CACNB4: variants seen among roughly 807,000 people sequenced by gnomAD.
CACNB4 encodes the protein voltage-dependent L-type calcium channel subunit beta-4.
A neutral mutation model predicts 71.2 loss-of-function variants in CACNB4; 32 were observed. The observed-to-expected ratio is 0.45, with a 90% CI of 0.34 to 0.60. The LOEUF is 0.60. CACNB4 is among the 20% of genes least tolerant of loss of function. The pLI, the probability that CACNB4 is intolerant of heterozygous loss-of-function variation, is 0.01. For synonymous variants in CACNB4, 231 were observed against 236.9 expected (o/e 0.97, Z 0.23); for missense variants, 464 against 647.9 (o/e 0.72, Z 3.08).
At chr2:151,919,756 T>A (rs2099858449) in intron 2 of CACNB4, among the ~76,000 whole-genome samples, 1 of 152,186 alleles carries the variant, frequency 6.6e-6, no homozygotes, top group Non-Finnish European at 1.5e-5. Flanking sequence ...ACACTTTTAA[T>A]AACCAGGATC....
chr2:151,949,906 G>A (rs1309324970), intron 2 of CACNB4, among the ~76,000 whole-genome samples: 2 of 152,040 alleles, frequency 1.3e-5, no homozygotes, highest in Admixed American at 6.5e-5. Flanking sequence ...AAATTAGCCT[G>A]GCATGGTGGC....
upstream of CACNB4, chr2:152,099,085 C>T: frequency 1.1e-5 from 11 of 1,013,644 alleles, no homozygotes; most frequent in African/African-American, 3.5e-5. Flanking sequence ...GGGCTGCGGA[C>T]GGAGGGGGAG....
Position 151,941,275 on chromosome 2 carries a change from A to ATT in CACNB4, c.148-57907_148-57906dup, listed in dbSNP as rs11346045. ...TGAATTGTTCAGTTTAAAATGGTTAATTTTTTTTTTTTTTTTTTTTTTTTT... is the reference window on the plus strand; with the variant it reads ...TGAATTGTTCAGTTTAAAATGGTTAATTTTTTTTTTTTTTTTTTTTTTTTTTT... On this transcript the variant is annotated intron_variant, in intron 2 of 13. Coordinates refer to ENST00000539935, the MANE Select transcript of CACNB4 (RefSeq NM_000726.5). Among the ~76,000 whole-genome samples, 50 of 112,302 alleles carry ATT rather than the reference A, an allele frequency of 4.5e-4. 1 individual carries two copies. The highest frequency in any genetic ancestry group is 1.2e-3 in the African/African-American group (33 of 28,268). 73.7% of individuals were successfully genotyped at this position (112,302 alleles called of 152,430 possible).
chr2:151,868,142 C>G (rs543985184), intron 9 of CACNB4: 2 of 152,246 alleles, frequency 1.3e-5, no homozygotes, highest in East Asian at 1.9e-4. Context: ...CAATACCATG[C>G]TTGTTTTTAT....
intron 2 of CACNB4, among the ~76,000 whole-genome samples, chr2:151,965,718 C>A (rs2099870907): frequency 7.3e-6 from 1 of 137,340 alleles, no homozygotes; most frequent in African/African-American, 2.5e-5. Flanking sequence ...ATTTACTTCT[C>A]AGAAAGCTTT....
At chr2:151,901,327 C>T (rs1049523140) in intron 2 of CACNB4, among the ~76,000 whole-genome samples, 1 of 152,040 alleles carries the variant, frequency 6.6e-6, no homozygotes, top group African/African-American at 2.4e-5. Context: ...ATCAACAAAC[C>T]ATCAGCAGTT....
At chr2:152,096,380 A>C (rs1347167746) in intron 2 of CACNB4, among the ~76,000 whole-genome samples, 1 of 152,152 alleles carries the variant, frequency 6.6e-6, no homozygotes, top group Non-Finnish European at 1.5e-5. Flanking sequence ...GCTACTCGGG[A>C]GGCTGAGGCA....
chr2:151,927,685 T>C (rs375288578), intron 2 of CACNB4, among the ~76,000 whole-genome samples: 2 of 152,190 alleles, frequency 1.3e-5, no homozygotes, highest in African/African-American at 4.8e-5. Flanking sequence ...GTCAGCGCAA[T>C]TGCGTGCTTC....
chr2:152,009,759 G>A (rs1203006342), intron 2 of CACNB4, among the ~76,000 whole-genome samples: 8 of 152,300 alleles, frequency 5.3e-5, no homozygotes, highest in South Asian at 2.1e-4. Context: ...GAGGAAAGAC[G>A]GTCCACAGCT....
chr2:151,918,602 C>A (rs1374150682), intron 2 of CACNB4, among the ~76,000 whole-genome samples: 1 of 152,206 alleles, frequency 6.6e-6, no homozygotes, highest in Non-Finnish European at 1.5e-5. Context: ...CCTACTGACC[C>A]TATAAATAGT....
At chr2:151,988,914 T>C (rs1022469788) in intron 2 of CACNB4, among the ~76,000 whole-genome samples, 8 of 152,176 alleles carry the variant, frequency 5.3e-5, no homozygotes, top group African/African-American at 1.7e-4. Context: ...TTATGAGTTT[T>C]TTCCCTCAAT....
chr2:152,078,092 T>C (rs1416371815), intron 2 of CACNB4, among the ~76,000 whole-genome samples: 1 of 152,184 alleles, frequency 6.6e-6, no homozygotes, highest in Non-Finnish European at 1.5e-5. Flanking sequence ...GGGCTTGGGA[T>C]GGCTTTTTGC....
chr2:151,887,866 T>C (rs1050729423), intron 2 of CACNB4, among the ~76,000 whole-genome samples: 1 of 152,208 alleles, frequency 6.6e-6, no homozygotes, highest in Non-Finnish European at 1.5e-5. Context: ...AATTAAACTT[T>C]GACCCACTAA....
At chr2:151,994,330 C>T (rs1313850941) in intron 2 of CACNB4, among the ~76,000 whole-genome samples, 1 of 150,388 alleles carries the variant, frequency 6.6e-6, no homozygotes, top group African/African-American at 2.5e-5. Flanking sequence ...GCCTCAGCCT[C>T]CCAAGTAGCT....
At chr2:152,065,351 C>G (rs970514888) in intron 2 of CACNB4, among the ~76,000 whole-genome samples, 1 of 151,068 alleles carries the variant, frequency 6.6e-6, no homozygotes, top group African/African-American at 2.4e-5. Flanking sequence ...CCACTGCACT[C>G]CAACCTGGGT....
intron 2 of CACNB4, among the ~76,000 whole-genome samples, chr2:152,068,847 A>C (rs181138248): frequency 5.9e-5 from 9 of 152,296 alleles, no homozygotes; most frequent in African/African-American, 1.9e-4. Flanking sequence ...CTGATGAAAG[A>C]GATGTTGATA....
At chr2:152,038,469 G>C (rs1322325563) in intron 2 of CACNB4, among the ~76,000 whole-genome samples, 1 of 152,192 alleles carries the variant, frequency 6.6e-6, no homozygotes. Flanking sequence ...CAGCAGAGAT[G>C]ATGAGCACCT....
chr2:151,983,399 C>T (rs547711199), intron 2 of CACNB4, among the ~76,000 whole-genome samples: 1 of 152,236 alleles, frequency 6.6e-6, no homozygotes, highest in East Asian at 1.9e-4. Context: ...TTAGTTGGAG[C>T]ACTAAGTCCA....
At chr2:152,074,169 A>G (rs368899814) in intron 2 of CACNB4, among the ~76,000 whole-genome samples, 5 of 151,922 alleles carry the variant, frequency 3.3e-5, no homozygotes, top group East Asian at 3.9e-4. Context: ...GAGGTGAGGA[A>G]CCCAGGGTAA....
Sources: allele counts gnomAD v4.1 joint callset (sites outside exome capture counted in the v4.1 genomes callset), GRCh38; gene constraint gnomAD v4.1.1; transcripts MANE v1.5; gene names NCBI Gene and HGNC (gene_info 2026-07-23, HGNC 2026-07-21).